The following NINJ2 variants were observed in gnomAD, a reference collection of about 807,000 sequenced individuals.
NINJ2 encodes ninjurin-2.
In NINJ2, 12 loss-of-function variants were observed where a neutral mutation model predicts 11.7. That is an observed-to-expected ratio of 1.02 (90% CI 0.66 to 1.66). The LOEUF is 1.66. Among genes scored for constraint, NINJ2 ranks in the 40% most tolerant of loss-of-function variants. The pLI is 0.00. For synonymous variants in NINJ2, 93 were observed against 76.8 expected (o/e 1.21, Z -1.10); for missense variants, 187 against 181.8 (o/e 1.03, Z -0.16).
intron 1 of NINJ2, among the ~76,000 whole-genome samples, chr12:631,551 A>T (rs1948282365): frequency 6.6e-6 from 1 of 151,944 alleles, no homozygotes; most frequent in African/African-American, 2.4e-5. Context: ...TTTAGTACAG[A>T]CGGGGTTTCA....
At chr12:623,322 C>T (rs1216633818) in intron 1 of NINJ2, among the ~76,000 whole-genome samples, 1 of 152,164 alleles carries the variant, frequency 6.6e-6, no homozygotes, top group African/African-American at 2.4e-5. Context: ...GATCTCCCAG[C>T]CTCTGTCCCC....
chr12:635,794 G>T (rs1309440102), intron 1 of NINJ2, among the ~76,000 whole-genome samples: 1 of 152,264 alleles, frequency 6.6e-6, no homozygotes, highest in Non-Finnish European at 1.5e-5. Context: ...GTGAAAAGGG[G>T]CCGGGCGCGG....
intron 1 of NINJ2, among the ~76,000 whole-genome samples, chr12:577,437 A>ATATGTATATATATATATACATATATATG (rs1947481332): frequency 2.2e-5 from 3 of 138,616 alleles, no homozygotes; most frequent in Non-Finnish European, 4.7e-5. Context: ...ATACATATAT[A>ATATGTATATATATATATACATATATATG]TATATAAATA....
chr12:609,317 GT>G (rs1947991610), intron 1 of NINJ2, among the ~76,000 whole-genome samples: 8 of 124,626 alleles, frequency 6.4e-5, no homozygotes, highest in African/African-American at 1.7e-4. Context: ...CACGCGCTAG[GT>G]GCTGAACGCA....
chr12:659,719 C>T (rs1374329507), intron 1 of NINJ2, among the ~76,000 whole-genome samples: 1 of 152,228 alleles, frequency 6.6e-6, no homozygotes. Flanking sequence ...ACATTTGCAA[C>T]ATTGATTATA....
chr12:617,689 T>TG (rs1948110119), intron 1 of NINJ2, among the ~76,000 whole-genome samples: 2 of 152,122 alleles, frequency 1.3e-5, no homozygotes. Flanking sequence ...CGTCGCCGTG[T>TG]TTTCTGTGCT....
chr12:630,416 C>T (rs1948264975), intron 1 of NINJ2, among the ~76,000 whole-genome samples: 1 of 151,898 alleles, frequency 6.6e-6, no homozygotes, highest in Non-Finnish European at 1.5e-5. Context: ...GCTGAGTTGC[C>T]CAGGCTGGAG....
chr12:625,526 A>G (rs1205282261), intron 1 of NINJ2, among the ~76,000 whole-genome samples: 1 of 152,154 alleles, frequency 6.6e-6, no homozygotes, highest in Non-Finnish European at 1.5e-5. Context: ...AAGAAAAAGA[A>G]AGCATTGGGT....
chr12:646,231 C>T (rs1290004091), intron 1 of NINJ2, among the ~76,000 whole-genome samples: 3 of 152,182 alleles, frequency 2.0e-5, no homozygotes, highest in Non-Finnish European at 4.4e-5. Flanking sequence ...TCAGGCTACT[C>T]CATAGCCCCC....
chr12:600,329 G>C (rs1415833639), intron 1 of NINJ2, among the ~76,000 whole-genome samples: 1 of 152,156 alleles, frequency 6.6e-6, no homozygotes, highest in Non-Finnish European at 1.5e-5. Flanking sequence ...CGAGGTGGCA[G>C]AATGCCTGAG....
chr12:596,912 GA>G (rs1947795103), intron 1 of NINJ2, among the ~76,000 whole-genome samples: 1 of 149,604 alleles, frequency 6.7e-6, no homozygotes, highest in East Asian at 1.9e-4. Flanking sequence ...ATGAGAGTGA[GA>G]CCCTGTCTCA....
rs1947624297 is a variant in NINJ2 at position 585,537 on chromosome 12, AGGG to A, written c.34-19362_34-19360del. ...GGAGGGAAGGGAAGGGAACGGTTGG[AGGG>A]AAGGGAAGGGAACGGTTGGAGGGAA... On this transcript the variant is annotated intron_variant, in intron 1 of 3. Coordinates refer to ENST00000305108, the MANE Select transcript of NINJ2 (RefSeq NM_016533.6). This position sits in a 1 kb window ranked among gnomAD's most constrained non-coding sequence, Gnocchi z 4.1. Among the ~76,000 whole-genome samples, 1 of 70,488 alleles carries A rather than the reference AGGG, an allele frequency of 1.4e-5. No homozygotes were observed. Among genetic ancestry groups the A allele is most frequent in the Non-Finnish European group, 3.0e-5 (1 of 33,422 alleles). 46.2% of individuals were successfully genotyped at this position (70,488 alleles called of 152,430 possible).
intron 1 of NINJ2, among the ~76,000 whole-genome samples, chr12:592,594 G>A (rs1035798074): frequency 6.6e-6 from 1 of 152,170 alleles, no homozygotes; most frequent in Non-Finnish European, 1.5e-5. Flanking sequence ...CAGCTACTTG[G>A]GAGGCTGAGG....
At chr12:572,422 G>T (rs917290209) in intron 1 of NINJ2, among the ~76,000 whole-genome samples, 1 of 152,250 alleles carries the variant, frequency 6.6e-6, no homozygotes, top group Non-Finnish European at 1.5e-5. Context: ...CCTTGAGAAG[G>T]GGACAGTGGC....
chr12:592,177 C>T (rs1460070216), intron 1 of NINJ2, among the ~76,000 whole-genome samples: 9 of 152,104 alleles, frequency 5.9e-5, no homozygotes, highest in African/African-American at 1.9e-4. Flanking sequence ...CCATAGTGTC[C>T]CCAAGTGCAA....
chr12:617,674 G>A (rs936119639), intron 1 of NINJ2, among the ~76,000 whole-genome samples: 1 of 152,202 alleles, frequency 6.6e-6, no homozygotes, highest in African/African-American at 2.4e-5. Flanking sequence ...CTGCAGCCCC[G>A]CTGGCGTCGC....
rs1222770040 is a variant in NINJ2 at position 568,551 on chromosome 12, C to T, written c.34-2373G>A. 2.6e-5 allele frequency among the ~76,000 whole-genome samples: 4 copies of T among 152,192 alleles called. No individual in the cohort carries two copies. In the East Asian group the frequency reaches 7.7e-4, roughly 29 times the overall value. ...ATGGAATCCACCCTGGCAGCCTGTG[C>T]CCCGCAGGCTGCCCCTCTCTGACTC... is the stretch of plus-strand genomic sequence containing the variant. On this transcript the variant is annotated intron_variant, in intron 1 of 3. Coordinates refer to ENST00000305108, the MANE Select transcript of NINJ2 (RefSeq NM_016533.6).
intron 1 of NINJ2, among the ~76,000 whole-genome samples, chr12:626,288 G>A (rs1386262078): frequency 6.6e-6 from 1 of 152,240 alleles, no homozygotes; most frequent in African/African-American, 2.4e-5. Flanking sequence ...ATATCTGCTG[G>A]CTACATTCAC....
At chr12:644,866 G>A (rs1446393411) in intron 1 of NINJ2, 1 of 152,142 alleles carries the variant, frequency 6.6e-6, no homozygotes, top group East Asian at 1.9e-4. Context: ...AACAGGCCAA[G>A]CCCTGGCCCC....
Sources: allele counts gnomAD v4.1 joint callset (sites outside exome capture counted in the v4.1 genomes callset), GRCh38; gene constraint gnomAD v4.1.1; non-coding constraint Gnocchi (gnomAD v3.1); transcripts MANE v1.5; gene names NCBI Gene and HGNC (gene_info 2026-07-23, HGNC 2026-07-21).